GRIN2A: variants seen among roughly 807,000 people sequenced by gnomAD.
The protein encoded by GRIN2A is glutamate ionotropic receptor NMDA type subunit 2A.
In GRIN2A, 22 loss-of-function variants were observed where a neutral mutation model predicts 113.4. The observed-to-expected ratio is 0.19, with a 90% CI of 0.14 to 0.28. GRIN2A has a LOEUF of 0.28. Among genes scored for constraint, GRIN2A ranks in the 10% least tolerant of loss-of-function variants. The probability of loss-of-function intolerance (pLI) is 1.00; values close to 1 mark genes in which losing one functional copy is unlikely to be tolerated. For missense variants in GRIN2A, 1,502 were observed against 1,887.0 expected (o/e 0.80, Z 3.78); for synonymous variants, 827 against 738.4 (o/e 1.12, Z -1.94).
chr16:9,994,380 C>T (rs1005466362), intron 2 of GRIN2A, among the ~76,000 whole-genome samples: 1 of 152,054 alleles, frequency 6.6e-6, no homozygotes, highest in Non-Finnish European at 1.5e-5. Context: ...TGTCATTGTT[C>T]CAGAGAATGT....
intron 2 of GRIN2A, among the ~76,000 whole-genome samples, chr16:10,000,138 G>A (rs2046295207): frequency 6.6e-6 from 1 of 152,004 alleles, no homozygotes; most frequent in African/African-American, 2.4e-5. Context: ...TATTACACTG[G>A]GTTGACCTGA....
intron 2 of GRIN2A, among the ~76,000 whole-genome samples, chr16:9,961,109 A>G (rs13330640): frequency 0.011 from 1,680 of 152,332 alleles, 26 homozygotes; most frequent in African/African-American, 0.039. Flanking sequence ...CCAAAAGACT[A>G]TTAGAAAAGT....
At chr16:9,984,182 T>C (rs2045940289) in intron 2 of GRIN2A, among the ~76,000 whole-genome samples, 1 of 152,196 alleles carries the variant, frequency 6.6e-6, no homozygotes, top group Non-Finnish European at 1.5e-5. Context: ...TCCATTTGCA[T>C]ATCTTTAAGA....
intron 2 of GRIN2A, among the ~76,000 whole-genome samples, chr16:10,173,589 G>A (rs2050085789): frequency 6.6e-6 from 1 of 152,210 alleles, no homozygotes; most frequent in Non-Finnish European, 1.5e-5. Flanking sequence ...TGGCATCGGA[G>A]CCAATGACTA....
At chr16:10,066,973 A>G (rs1255552076) in intron 2 of GRIN2A, among the ~76,000 whole-genome samples, 1 of 152,178 alleles carries the variant, frequency 6.6e-6, no homozygotes, top group African/African-American at 2.4e-5. Context: ...ATTCGGATAC[A>G]TGCTACACCA....
intron 2 of GRIN2A, among the ~76,000 whole-genome samples, chr16:10,126,250 AT>A (rs1159798866): frequency 2.0e-5 from 3 of 151,862 alleles, no homozygotes; most frequent in African/African-American, 7.3e-5. Context: ...GCAGCCTCAA[AT>A]TCCTAGGCTC....
chr16:9,892,474 C>T (rs761983235), intron 3 of GRIN2A, among the ~76,000 whole-genome samples: 15 of 151,988 alleles, frequency 9.9e-5, no homozygotes, highest in Non-Finnish European at 1.3e-4. Flanking sequence ...CAAACAAGAC[C>T]GAGTGGAGAG....
chr16:9,852,993 A>G (rs1357874933), intron 4 of GRIN2A, among the ~76,000 whole-genome samples: 2 of 152,248 alleles, frequency 1.3e-5, no homozygotes, highest in Non-Finnish European at 2.9e-5. Flanking sequence ...ATGATTACAC[A>G]AAAACATATG....
chr16:9,806,055 A>G (rs982222654), intron 10 of GRIN2A, among the ~76,000 whole-genome samples: 9 of 152,182 alleles, frequency 5.9e-5, no homozygotes, highest in Non-Finnish European at 1.2e-4. Flanking sequence ...CAAAGGAAGC[A>G]TTTTTCAAAG....
rs576356701 is a variant in GRIN2A, at chr16:10,012,650, C to T, written c.415-74099G>A. On this transcript the variant is annotated intron_variant, in intron 2 of 12. Transcript: ENST00000330684. ...TTGCAGATGTGATTAAGGTAAAGAT[C>T]TTGAGATGGGGAGAAAGGACATTTG... is the stretch of plus-strand genomic sequence containing the variant. 1.4e-4 allele frequency among the ~76,000 whole-genome samples: 22 copies of T among 152,268 alleles called. No homozygotes were observed. The South Asian group carries it at 4.6e-3, about 32-fold the overall frequency.
intron 2 of GRIN2A, among the ~76,000 whole-genome samples, chr16:9,965,595 A>T (rs1464464478): frequency 6.6e-6 from 1 of 152,238 alleles, no homozygotes; most frequent in Non-Finnish European, 1.5e-5. Context: ...CCATGAGAGC[A>T]AGGATCCTGC....
At chr16:10,124,513 T>A (rs1050970292) in intron 2 of GRIN2A, among the ~76,000 whole-genome samples, 7 of 152,156 alleles carry the variant, frequency 4.6e-5, no homozygotes, top group African/African-American at 1.7e-4. Context: ...AGGGCAGGAT[T>A]CCTTGGTGCT....
intron 2 of GRIN2A, among the ~76,000 whole-genome samples, chr16:10,052,899 T>C (rs919301477): frequency 1.3e-5 from 2 of 151,804 alleles, no homozygotes; most frequent in Admixed American, 1.3e-4. Flanking sequence ...AATACAACAA[T>C]TACCCAGGCA....
intron 2 of GRIN2A, among the ~76,000 whole-genome samples, chr16:10,143,014 TTAGGA>T (rs1436324756): frequency 2.6e-4 from 40 of 152,248 alleles, no homozygotes; most frequent in African/African-American, 8.7e-4. Context: ...TTTGGTATAC[TTAGGA>T]TAGATTACCT....
intron 4 of GRIN2A, among the ~76,000 whole-genome samples, chr16:9,869,203 C>T (rs2043214470): frequency 6.6e-6 from 1 of 152,188 alleles, no homozygotes. Context: ...GAAGGCAAGG[C>T]AGGAGGATCA....
At chr16:10,027,547 C>T (rs1420577866) in intron 2 of GRIN2A, 1 of 152,224 alleles carries the variant, frequency 6.6e-6, no homozygotes, top group East Asian at 1.9e-4. Context: ...GATGACAAAT[C>T]CTGCTCTTAC....
At chr16:10,181,199 G>GCA (rs202075397) in intron 1 of GRIN2A, among the ~76,000 whole-genome samples, 38 of 12,948 alleles carry the variant, frequency 2.9e-3, no homozygotes, top group South Asian at 4.7e-3. Flanking sequence ...ACACACACGT[G>GCA]CACACACACA....
At chr16:9,781,961 T>C (rs967136395) in intron 11 of GRIN2A, among the ~76,000 whole-genome samples, 2 of 152,188 alleles carry the variant, frequency 1.3e-5, no homozygotes, top group Non-Finnish European at 2.9e-5. Flanking sequence ...TAAAATGTAA[T>C]AATAAGTGAA....
At chr16:10,062,876 A>C (rs1442552990) in intron 2 of GRIN2A, among the ~76,000 whole-genome samples, 1 of 151,780 alleles carries the variant, frequency 6.6e-6, no homozygotes, top group Non-Finnish European at 1.5e-5. Flanking sequence ...AAAAAAAAAA[A>C]AGAAGAAGAA....
Sources: allele counts gnomAD v4.1 joint callset (sites outside exome capture counted in the v4.1 genomes callset), GRCh38; gene constraint gnomAD v4.1.1; transcripts MANE v1.5; gene names NCBI Gene and HGNC (gene_info 2026-07-23, HGNC 2026-07-21).